The following CCDC73 variants were observed in gnomAD, a reference collection of about 807,000 sequenced individuals.
CCDC73 encodes the protein coiled-coil domain-containing protein 73.
Under a neutral mutation model 116.5 loss-of-function variants are expected in CCDC73, and 95 were observed. That is an observed-to-expected ratio of 0.82 (90% CI 0.69 to 0.97). CCDC73 has a LOEUF of 0.97. Among genes scored for constraint, CCDC73 ranks in the 50% least tolerant of loss-of-function variants. The probability of loss-of-function intolerance (pLI) is 0.00; values close to 1 mark genes in which losing one functional copy is unlikely to be tolerated. For missense variants in CCDC73, 1,066 were observed against 1,206.8 expected, an observed-to-expected ratio of 0.88 and a Z score of 1.73; for synonymous variants, 398 against 401.3, an observed-to-expected ratio of 0.99 and a Z score of 0.10.
intron 1 of CCDC73, among the ~76,000 whole-genome samples, chr11:32,777,727 C>T (rs7932536): frequency 0.58 from 87,347 of 151,850 alleles, 25,433 homozygotes; most frequent in East Asian, 0.84. Context: ...TTTCTTTGAA[C>T]AGATCTTATC....
chr11:32,732,404 G>A (rs1267773578), intron 2 of CCDC73, among the ~76,000 whole-genome samples: 1 of 151,990 alleles, frequency 6.6e-6, no homozygotes, highest in Non-Finnish European at 1.5e-5. Context: ...TTAAAATTCA[G>A]GAAATACAGA....
intron 9 of CCDC73, among the ~76,000 whole-genome samples, chr11:32,663,474 C>G (rs547908827): frequency 6.6e-6 from 1 of 152,266 alleles, no homozygotes; most frequent in South Asian, 2.1e-4. Context: ...CATGATTTGG[C>G]TCTCTGTTTG....
At chr11:32,791,631 T>G (rs755315006) in intron 1 of CCDC73, among the ~76,000 whole-genome samples, 2 of 152,144 alleles carry the variant, frequency 1.3e-5, no homozygotes, top group Non-Finnish European at 2.9e-5. Context: ...CCTAAACTGA[T>G]TGTAAAGAAT....
At chr11:32,675,148 T>C (rs1856074998) in intron 9 of CCDC73, among the ~76,000 whole-genome samples, 1 of 152,222 alleles carries the variant, frequency 6.6e-6, no homozygotes, top group Non-Finnish European at 1.5e-5. Context: ...GTGTAATTAT[T>C]TGTTTTACAT....
At chr11:32,745,926 T>G (rs892192003) in intron 2 of CCDC73, among the ~76,000 whole-genome samples, 1 of 152,162 alleles carries the variant, frequency 6.6e-6, no homozygotes, top group Admixed American at 6.6e-5. Flanking sequence ...CCCATTTACA[T>G]TTAAGGTTAA....
intron 6 of CCDC73, among the ~76,000 whole-genome samples, chr11:32,696,515 C>T (rs1856312146): frequency 1.3e-5 from 2 of 152,168 alleles, no homozygotes; most frequent in Admixed American, 1.3e-4. Flanking sequence ...CAGCCTCAAC[C>T]TTCTGGGTTC....
chr11:32,786,244 T>G (rs1334360065), intron 1 of CCDC73, among the ~76,000 whole-genome samples: 2 of 151,252 alleles, frequency 1.3e-5, no homozygotes, highest in East Asian at 1.9e-4. Context: ...TGAATCTTTA[T>G]TTTTAACATT....
At chr11:32,703,056 T>C in intron 3 of CCDC73, 112 bp from the exon 4 acceptor site, 2 of 768,044 alleles carry the variant, frequency 2.6e-6, no homozygotes, top group Non-Finnish European at 2.3e-6. Context: ...ACATATATTA[T>C]TTTGTGTTCC....
intron 9 of CCDC73, among the ~76,000 whole-genome samples, chr11:32,667,809 C>T (rs866957584): frequency 5.3e-5 from 8 of 152,140 alleles, no homozygotes; most frequent in African/African-American, 1.9e-4. Flanking sequence ...GGAACCACCC[C>T]CCAACAATGT....
chr11:32,776,126 T>C (rs1286149069), intron 1 of CCDC73, among the ~76,000 whole-genome samples: 2 of 152,070 alleles, frequency 1.3e-5, no homozygotes, highest in East Asian at 3.9e-4. Context: ...AAATCTAATC[T>C]CTAAATGGAC....
At chr11:32,772,170 A>G (rs568073747) in intron 1 of CCDC73, among the ~76,000 whole-genome samples, 1 of 152,326 alleles carries the variant, frequency 6.6e-6, no homozygotes, top group African/African-American at 2.4e-5. Flanking sequence ...CTATGCAGCC[A>G]CAGATTCAAT....
At chr11:32,716,202 T>A (rs1167213565) in intron 3 of CCDC73, among the ~76,000 whole-genome samples, 1 of 152,188 alleles carries the variant, frequency 6.6e-6, no homozygotes, top group Non-Finnish European at 1.5e-5. Context: ...TGAAAGTTCT[T>A]GTTTTTCTAA....
At chr11:32,722,272 T>G (rs1849996576) in intron 2 of CCDC73, among the ~76,000 whole-genome samples, 1 of 152,196 alleles carries the variant, frequency 6.6e-6, no homozygotes, top group African/African-American at 2.4e-5. Flanking sequence ...CATCTTGCAG[T>G]AGAAAAAGTG....
chr11:32,741,381 T>A (rs1850184411), intron 2 of CCDC73, among the ~76,000 whole-genome samples: 1 of 152,134 alleles, frequency 6.6e-6, no homozygotes, highest in South Asian at 2.1e-4. Flanking sequence ...TTTACAACTG[T>A]TATATCCTCT....
At chr11:32,678,127 A>C (rs1401617980) in intron 7 of CCDC73, among the ~76,000 whole-genome samples, 1 of 151,820 alleles carries the variant, frequency 6.6e-6, no homozygotes. Context: ...AAAAATACAA[A>C]AATTAGCCAG....
At chr11:32,727,603 C>T (rs1225113891) in intron 2 of CCDC73, among the ~76,000 whole-genome samples, 2 of 151,910 alleles carry the variant, frequency 1.3e-5, no homozygotes, top group African/African-American at 4.8e-5. Flanking sequence ...GACGTTGTCT[C>T]GCTCTGTCCC....
intron 3 of CCDC73, among the ~76,000 whole-genome samples, chr11:32,711,429 G>C (rs1334496871): frequency 1.3e-5 from 2 of 152,044 alleles, no homozygotes. Flanking sequence ...AGAAAATATG[G>C]TATACACATA....
chr11:32,605,559 A>C (rs774493379), intron 17 of CCDC73: 1 of 152,218 alleles, frequency 6.6e-6, no homozygotes, highest in Non-Finnish European at 1.5e-5. Flanking sequence ...TTGGCATCCA[A>C]GTACAAATTA....
intron 1 of CCDC73, among the ~76,000 whole-genome samples, chr11:32,793,762 C>T (rs11031985): frequency 0.02 from 3,042 of 152,148 alleles, 59 homozygotes; most frequent in Non-Finnish European, 0.031. Context: ...AGGTGCCCGC[C>T]ACCACGCCCG....
Sources: allele counts gnomAD v4.1 joint callset (sites outside exome capture counted in the v4.1 genomes callset), GRCh38; gene constraint gnomAD v4.1.1; transcripts MANE v1.5; gene names NCBI Gene and HGNC (gene_info 2026-07-23, HGNC 2026-07-21).